Variants in PITRM1 observed in about 807,000 individuals in gnomAD.
The protein encoded by PITRM1 is presequence protease, mitochondrial.
In PITRM1, 100 loss-of-function variants were observed where a neutral mutation model predicts 129.9. The observed-to-expected ratio is 0.77, with a 90% CI of 0.65 to 0.91. PITRM1 has a LOEUF of 0.91. PITRM1 is among the 40% of genes least tolerant of loss of function. The pLI, the probability that PITRM1 is intolerant of heterozygous loss-of-function variation, is 0.00. For synonymous variants in PITRM1, 591 were observed against 508.8 expected (o/e 1.16, Z -2.17); for missense variants, 1,471 against 1,318.3 (o/e 1.12, Z -1.79).
chr10:3,148,058 C>A lies in PITRM1; in HGVS notation c.1998G>T (p.Val666=). ...GATCCAGGCAGAGAGAGGAGAAAAG[C>A]ACACCCTGAACCAAAGAAAACACAG... is the stretch of plus-strand genomic sequence containing the variant. ...DSHMDTYEQG[V]LFSSLCLDRN... The change falls in exon 18 of 27, where the codon GTG becomes GTT. Residue 666 remains valine, a synonymous_variant. Coordinates refer to ENST00000224949, the MANE Select transcript of PITRM1 (RefSeq NM_014889.4). 3 of 1,613,802 alleles carry A rather than the reference C, an allele frequency of 1.9e-6. No homozygotes were observed. The highest frequency in any genetic ancestry group is 2.2e-5 in the East Asian group (1 of 44,872).
chr10:3,163,894 G>A lies in PITRM1; in HGVS notation c.631-9C>T, dbSNP rs756289310. On this transcript the variant is annotated splice_polypyrimidine_tract_variant and intron_variant, in intron 6 of 26. Transcript: ENST00000224949. The stretch of plus-strand genomic sequence containing the variant: ...ATCCTCTCATTGTCTGTCTTGAAAC[G>A]TAAAATAAATAAATCATAAGTATAC... The A allele has an allele frequency of 7.0e-5, 111 of 1,575,306 alleles. 1 individual carries two copies. Among genetic ancestry groups the A allele is most frequent in the Non-Finnish European group, 9.1e-5 (105 of 1,155,510 alleles).
chr10:3,156,661 G>C (rs947095258), intron 13 of PITRM1, among the ~76,000 whole-genome samples: 1 of 151,920 alleles, frequency 6.6e-6, no homozygotes, highest in Admixed American at 6.6e-5. Context: ...ACTAATAAAA[G>C]AACAATATAT....
In PITRM1 at chr10:3,145,761, CAGTTTT is replaced by C. The variant is rs1564395459; in HGVS notation, c.2337-51_2337-46del. ...TACATAAAACCACTGTTAGAAAAAA[CAGTTTT>C]AGTAATTCATCACATTTTGTATAAC... On this transcript the variant is annotated intron_variant, in intron 20 of 26. Transcript: ENST00000224949. 4 of 1,391,182 alleles carry C rather than the reference CAGTTTT, an allele frequency of 2.9e-6. No individual in the cohort carries two copies. In the Admixed American group the frequency reaches 8.0e-5, roughly 28 times the overall value. The allele number at this position is 1,391,182 out of a possible 1,614,324, so 86.2% of individuals were successfully genotyped here.
rs1843113739 is a variant in PITRM1, at chr10:3,168,940, ACAC to A, written c.159+1161_159+1163del. On this transcript the variant is annotated intron_variant, in intron 2 of 26. Transcript: ENST00000224949. The stretch of plus-strand genomic sequence containing the variant: ...TACACACACACACACACACACACAC[ACAC>A]ACACACACACACACACACACACAAT... 7.2e-5 allele frequency among the ~76,000 whole-genome samples: 5 copies of A among 69,632 alleles called. No homozygotes were observed. The South Asian group carries it at 2.6e-3, about 36-fold the overall frequency. 45.7% of individuals were successfully genotyped at this position (69,632 alleles called of 152,430 possible). A position where few individuals can be genotyped will look rare whatever the true frequency, so the allele number is the denominator to read the frequency against.
chr10:3,172,818 G>A (rs775230310), upstream of PITRM1: 4 of 1,524,662 alleles, frequency 2.6e-6, no homozygotes, highest in South Asian at 3.7e-5. Context: ...CTCTTAACCC[G>A]ACGCAGGGCG....
intron 7 of PITRM1, among the ~76,000 whole-genome samples, chr10:3,160,906 G>A (rs1268871837): frequency 6.6e-6 from 1 of 152,120 alleles, no homozygotes; most frequent in Non-Finnish European, 1.5e-5. Context: ...GATTACAGGT[G>A]CCCACCACCA....
At chr10:3,168,914 CTA>C (rs1491418997) in intron 2 of PITRM1, among the ~76,000 whole-genome samples, 5 of 137,430 alleles carry the variant, frequency 3.6e-5, no homozygotes, top group African/African-American at 1.4e-4. Flanking sequence ...AAGTTTCCAT[CTA>C]CACACACACA....
chr10:3,171,525 C>A (rs1028402040), intron 1 of PITRM1, among the ~76,000 whole-genome samples: 7 of 152,104 alleles, frequency 4.6e-5, no homozygotes, highest in African/African-American at 1.7e-4. Flanking sequence ...CTCACTGCAA[C>A]CTCCACCTCC....
chr10:3,157,667 G>A, intron 11 of PITRM1, 136 bp from the exon 12 acceptor site: 2 of 615,128 alleles, frequency 3.3e-6, no homozygotes, highest in Non-Finnish European at 2.8e-6. Flanking sequence ...CACAGAGAAA[G>A]CCCATCTCTA....
At chr10:3,155,311 C>G (rs1841882258) in intron 14 of PITRM1, among the ~76,000 whole-genome samples, 1 of 152,228 alleles carries the variant, frequency 6.6e-6, no homozygotes, top group Non-Finnish European at 1.5e-5. Flanking sequence ...AACAATGGTA[C>G]TGGCATATTA....
In PITRM1 at chr10:3,144,298, CA is replaced by C. The variant is rs1840608748; in HGVS notation, c.2525del (p.Leu842ArgfsTer12). On this transcript the variant is annotated frameshift_variant, in exon 22 of 27. Coordinates refer to ENST00000224949, the MANE Select transcript of PITRM1 (RefSeq NM_014889.4). LOFTEE classifies it high-confidence loss of function. ...VPHGSQVIRKLVMEPTFKPWQ... is the reference protein window; with the variant it reads ...VPHGSQVIRKXVMEPTFKPWQ... ...GATGGGCTGTGGTTCTTACCATGAC[CA>C]GCTTCCTAATGACCTGGGAGCCATG... 2.6e-6 allele frequency: 4 copies of C among 1,553,652 alleles called. No individual in the cohort carries two copies. Among genetic ancestry groups the C allele is most frequent in the Non-Finnish European group, 3.5e-6 (4 of 1,145,964 alleles).
chr10:3,143,261 C>T (rs1840447018), intron 23 of PITRM1, 128 bp downstream of exon 23: 1 of 648,872 alleles, frequency 1.5e-6, no homozygotes, highest in Non-Finnish European at 2.8e-6. Flanking sequence ...CTCACACAGC[C>T]CCAGGTCCAA....
At chr10:3,172,495 C>A (rs1347472239) in intron 1 of PITRM1, among the ~76,000 whole-genome samples, 4 of 152,180 alleles carry the variant, frequency 2.6e-5, no homozygotes, top group African/African-American at 4.8e-5. Context: ...CGGCCCCCAG[C>A]CCGGGGCATC....
intron 22 of PITRM1, 54 bp from the exon 23 acceptor site, chr10:3,143,555 C>T: frequency 8.0e-7 from 1 of 1,244,058 alleles, no homozygotes; most frequent in South Asian, 1.2e-5. Context: ...CCGCCCACGG[C>T]ACTGGGACTG....
chr10:3,137,945 G>T lies in PITRM1; in HGVS notation c.*86C>A. ...GACACTCAATGACATAATATTCTTGGAAAAAGCAGTAGCATTTCTGACTTT... is the reference window on the plus strand; with the variant it reads ...GACACTCAATGACATAATATTCTTGTAAAAAGCAGTAGCATTTCTGACTTT... On this transcript the variant is annotated 3_prime_UTR_variant, in exon 27 of 27. Transcript: ENST00000224949. 1 of 794,540 alleles carries T rather than the reference G, an allele frequency of 1.3e-6. No individual in the cohort carries two copies. Among genetic ancestry groups the T allele is most frequent in the Non-Finnish European group, 2.1e-6 (1 of 484,680 alleles). The allele number at this position is 794,540 out of a possible 1,614,324, so 49.2% of individuals were successfully genotyped here.
chr10:3,151,461 C>T (rs1336259679), intron 14 of PITRM1, 98 bp from the exon 15 acceptor site: 7 of 750,308 alleles, frequency 9.3e-6, no homozygotes, highest in East Asian at 2.7e-5. Flanking sequence ...CAGAATTAGC[C>T]GTCCACGCCA....
intron 10 of PITRM1, among the ~76,000 whole-genome samples, chr10:3,158,390 G>C (rs1842149612): frequency 1.3e-5 from 2 of 152,068 alleles, no homozygotes; most frequent in Admixed American, 1.3e-4. Flanking sequence ...TATCAAAACA[G>C]AGAACTGCTG....
Position 3,138,947 on chromosome 10 carries a change from A to G in PITRM1, c.2874T>C (p.Ser958=), listed in dbSNP as rs1208437293. The change falls in exon 25 of 27, where the codon TCT becomes TCC. Residue 958 remains serine, a synonymous_variant. Coordinates refer to ENST00000224949, the MANE Select transcript of PITRM1 (RefSeq NM_014889.4). The part of the protein sequence containing the change: ...TQQDIDEAKL[S]VFSTVDAPVA... ...CAGGAGCATCTACGGTTGAGAAGAC[A>G]GAAAGTTTGGCTTCGTCGATGTCTT... 1 of 1,613,578 alleles carries G rather than the reference A, an allele frequency of 6.2e-7. No homozygotes were observed. The highest frequency in any genetic ancestry group is 8.5e-7 in the Non-Finnish European group (1 of 1,179,632).
At chr10:3,151,036 A>G in intron 15 of PITRM1, 1 of 519,860 alleles carries the variant, frequency 1.9e-6, no homozygotes, top group Non-Finnish European at 3.5e-6. Context: ...ACACACACAC[A>G]CACGGGCTCT....
Sources: allele counts gnomAD v4.1 joint callset (sites outside exome capture counted in the v4.1 genomes callset), GRCh38; gene constraint gnomAD v4.1.1; transcripts MANE v1.5; gene names NCBI Gene and HGNC (gene_info 2026-07-23, HGNC 2026-07-21).